Variants in SERINC5 observed in about 807,000 individuals in gnomAD.
SERINC5 encodes serine incorporator 5.
In SERINC5, 41 loss-of-function variants were observed where a neutral mutation model predicts 63.1. That is an observed-to-expected ratio of 0.65 (90% CI 0.51 to 0.84). The LOEUF (loss-of-function observed/expected upper bound fraction) is 0.84. Ranked by LOEUF, SERINC5 falls within the 40% of genes least tolerant of loss-of-function variation. The pLI, the probability that SERINC5 is intolerant of heterozygous loss-of-function variation, is 0.00. For missense variants in SERINC5, 523 were observed against 573.0 expected (o/e 0.91, Z 0.89); for synonymous variants, 222 against 215.2 (o/e 1.03, Z -0.28).
At chr5:80,232,234 C>A (rs895904994) in intron 1 of SERINC5, among the ~76,000 whole-genome samples, 1 of 149,750 alleles carries the variant, frequency 6.7e-6, no homozygotes, top group African/African-American at 2.5e-5. Flanking sequence ...AAAACCCTGT[C>A]TCTACTAAAA....
At chr5:80,188,314 C>T (rs1219854018) in intron 2 of SERINC5, among the ~76,000 whole-genome samples, 2 of 148,830 alleles carry the variant, frequency 1.3e-5, no homozygotes, top group Non-Finnish European at 3.0e-5. Flanking sequence ...AATCTAACTG[C>T]AAAGGATTAT....
Position 80,161,048 on chromosome 5 carries a change from A to ATGTGTG in SERINC5, c.860-2087_860-2086insCACACA, listed in dbSNP as rs142394877. Among the ~76,000 whole-genome samples the ATGTGTG allele has an allele frequency of 2.0e-3, 293 of 149,688 alleles. 2 individuals carry two copies. The highest frequency in any genetic ancestry group is 7.0e-3 in the African/African-American group (284 of 40,576). ...TATATACACACGTGTATATATATAT[A>ATGTGTG]TGTATGTATGTATATATATAAAAAT... On this transcript the variant is annotated intron_variant, in intron 7 of 11. Transcript: ENST00000507668.
chr5:80,152,280 C>T (rs903991602), intron 8 of SERINC5, among the ~76,000 whole-genome samples: 4 of 152,164 alleles, frequency 2.6e-5, no homozygotes, highest in Admixed American at 1.3e-4. Context: ...GCAGGTAGAT[C>T]GCTTGAGCCC....
intron 2 of SERINC5, among the ~76,000 whole-genome samples, chr5:80,182,541 ACCGC>A (rs376370041): frequency 2.0e-4 from 7 of 34,800 alleles, no homozygotes; most frequent in African/African-American, 9.9e-4. Flanking sequence ...CTATCATCTG[ACCGC>A]CCCCCCCCCC....
intron 1 of SERINC5, among the ~76,000 whole-genome samples, chr5:80,228,123 C>G (rs1460912720): frequency 6.7e-6 from 1 of 149,824 alleles, no homozygotes; most frequent in Non-Finnish European, 1.5e-5. Flanking sequence ...TCTCAGCTGC[C>G]CAGGAGACTG....
At chr5:80,117,584 G>A (rs1744383217) in intron 11 of SERINC5, among the ~76,000 whole-genome samples, 2 of 145,190 alleles carry the variant, frequency 1.4e-5, no homozygotes, top group Admixed American at 1.4e-4. Flanking sequence ...ATTATATGCT[G>A]CCTTGTGGTT....
intron 8 of SERINC5, among the ~76,000 whole-genome samples, chr5:80,156,829 G>A (rs1299695819): frequency 6.6e-6 from 1 of 152,070 alleles, no homozygotes; most frequent in Non-Finnish European, 1.5e-5. Context: ...CTTTACACCT[G>A]CTAGAAATAG....
rs562142498 is a variant in SERINC5, at chr5:80,175,647, T to G, written c.458-600A>C. On this transcript the variant is annotated intron_variant, in intron 4 of 11. Coordinates refer to ENST00000507668, the MANE Select transcript of SERINC5 (RefSeq NM_001174072.3). ...ACTTTGGGAGGCTGAGGCAGGGGGA[T>G]CACTTGAGGTCAGGAGTCGGAAACC... 8.6e-5 allele frequency among the ~76,000 whole-genome samples: 13 copies of G among 150,898 alleles called. No homozygotes were observed. In the South Asian group the frequency reaches 2.7e-3, roughly 32 times the overall value.
chr5:80,129,520 G>A (rs959244535), intron 11 of SERINC5, among the ~76,000 whole-genome samples: 9 of 152,198 alleles, frequency 5.9e-5, no homozygotes, highest in African/African-American at 1.9e-4. Flanking sequence ...TGTTGCTCAG[G>A]CTGGTCTTGA....
intron 2 of SERINC5, among the ~76,000 whole-genome samples, chr5:80,198,117 C>T (rs1749619982): frequency 6.6e-6 from 1 of 152,098 alleles, no homozygotes; most frequent in African/African-American, 2.4e-5. Flanking sequence ...ACATTACAGG[C>T]ATGAGCCACC....
intron 9 of SERINC5, 137 bp from the exon 10 acceptor site, chr5:80,147,421 G>A: frequency 1.1e-6 from 1 of 899,722 alleles, no homozygotes; most frequent in Non-Finnish European, 1.7e-6. Flanking sequence ...GGTGTGCTGG[G>A]TGTTGGTGAC....
intron 1 of SERINC5, among the ~76,000 whole-genome samples, chr5:80,208,492 T>C (rs1427975): frequency 0.022 from 3,384 of 152,120 alleles, 128 homozygotes; most frequent in African/African-American, 0.078. Flanking sequence ...TATGGTGAAG[T>C]CACAGTGGCA....
chr5:80,177,852 A>G lies in SERINC5; in HGVS notation c.374+34T>C, dbSNP rs190347777. The G allele has an allele frequency of 7.1e-4, 1,090 of 1,540,918 alleles. 8 individuals carry two copies. The African/African-American group carries it at 0.013, about 19-fold the overall frequency. Reference sequence around the variant, plus strand: ...ACTACTGTCCTGAACATAAGAAAGGAGAAAGCAATCCCCAAGAAGACTAAA... The same window carrying G: ...ACTACTGTCCTGAACATAAGAAAGGGGAAAGCAATCCCCAAGAAGACTAAA... On this transcript the variant is annotated intron_variant, in intron 3 of 11. Coordinates refer to ENST00000507668, the MANE Select transcript of SERINC5 (RefSeq NM_001174072.3).
rs1039152657 is a variant in SERINC5, at chr5:80,173,047, C to G, written c.551+1907G>C. ...GGCTAACTTCCTGATATTGACACCC[C>G]CATTCCTCCATCCCCCAAACCTGCT... On this transcript the variant is annotated intron_variant, in intron 5 of 11. Transcript: ENST00000507668. Among the ~76,000 whole-genome samples the G allele has an allele frequency of 1.6e-4, 25 of 152,162 alleles. No individual in the cohort carries two copies. The South Asian group carries it at 3.1e-3, about 19-fold the overall frequency.
At chr5:80,240,707 C>G (rs1222982279) in intron 1 of SERINC5, among the ~76,000 whole-genome samples, 1 of 152,170 alleles carries the variant, frequency 6.6e-6, no homozygotes, top group Non-Finnish European at 1.5e-5. Context: ...CTCTGCTGCC[C>G]AGGCTGGAGT....
chr5:80,253,358 G>A (rs865858384), intron 1 of SERINC5, among the ~76,000 whole-genome samples: 29 of 152,186 alleles, frequency 1.9e-4, no homozygotes, highest in African/African-American at 6.3e-4. Flanking sequence ...CCCCTAAGAG[G>A]CAAATATCCA....
In SERINC5 at chr5:80,141,486, G is replaced by A. The variant is rs1454685380; in HGVS notation, c.*2177C>T. ...TCAGTTTCTCAAATCACACCAGCTGGCAGCCAGACCCAGCCGAGAGGACAA... is the reference window on the plus strand; with the variant it reads ...TCAGTTTCTCAAATCACACCAGCTGACAGCCAGACCCAGCCGAGAGGACAA... On this transcript the variant is annotated 3_prime_UTR_variant, in exon 12 of 12. Coordinates refer to ENST00000507668, the MANE Select transcript of SERINC5 (RefSeq NM_001174072.3). 2.0e-6 allele frequency: 2 copies of A among 985,454 alleles called. No homozygotes were observed. The highest frequency in any genetic ancestry group is 3.5e-5 in the African/African-American group (2 of 57,254). The allele number at this position is 985,454 out of a possible 1,614,324, so 61.0% of individuals were successfully genotyped here.
At chr5:80,145,031 T>A (rs1745727364) in intron 11 of SERINC5, among the ~76,000 whole-genome samples, 1 of 150,814 alleles carries the variant, frequency 6.6e-6, no homozygotes, top group Non-Finnish European at 1.5e-5. Context: ...AAAACATGTA[T>A]AATGACATTT....
intron 1 of SERINC5, among the ~76,000 whole-genome samples, chr5:80,230,745 G>A (rs1298458995): frequency 1.3e-5 from 2 of 152,128 alleles, no homozygotes; most frequent in Non-Finnish European, 1.5e-5. Context: ...CTCCTTTGTG[G>A]TGAGCACAGG....
Sources: allele counts gnomAD v4.1 joint callset (sites outside exome capture counted in the v4.1 genomes callset), GRCh38; gene constraint gnomAD v4.1.1; transcripts MANE v1.5; gene names NCBI Gene and HGNC (gene_info 2026-07-23, HGNC 2026-07-21).